The following TEX15 variants were observed in gnomAD, a reference collection of about 807,000 sequenced individuals.
The protein encoded by TEX15 is testis-expressed protein 15.
In TEX15, 171 loss-of-function variants were observed where a neutral mutation model predicts 237.3. The ratio of observed to expected loss-of-function variants is 0.72; its 90% CI spans 0.64 to 0.82. TEX15 has a LOEUF of 0.82. Among genes scored for constraint, TEX15 ranks in the 40% least tolerant of loss-of-function variants. The probability of loss-of-function intolerance (pLI) is 0.00; values close to 1 mark genes in which losing one functional copy is unlikely to be tolerated. For missense variants in TEX15, 3,750 were observed against 3,646.5 expected (o/e 1.03, Z -0.73); for synonymous variants, 1,338 against 1,269.8 (o/e 1.05, Z -1.14).
chr8:30,864,153 G>C (rs1026890038), intron 5 of TEX15, among the ~76,000 whole-genome samples: 2 of 151,968 alleles, frequency 1.3e-5, no homozygotes, highest in African/African-American at 4.8e-5. Context: ...TAGCTGAAAA[G>C]TACAGTAACT....
In TEX15 at chr8:30,858,654, T is replaced by C. The variant is rs529220376; in HGVS notation, c.850+14A>G. On this transcript the variant is annotated intron_variant, in intron 7 of 10. Coordinates refer to ENST00000643185, the MANE Select transcript of TEX15 (RefSeq NM_001350162.2). ...CACAAATATTAATCAAGTACAATCA[T>C]ATGTGTATCTTACCAGCTCTCTTAG... The C allele has an allele frequency of 5.9e-6, 9 of 1,521,958 alleles. No homozygotes were observed. Among genetic ancestry groups the C allele is most frequent in the African/African-American group, 1.4e-5 (1 of 72,420 alleles). 94.3% of individuals were successfully genotyped at this position (1,521,958 alleles called of 1,614,324 possible).
At chr8:30,901,190 T>A in intron 1 of TEX15, among the ~76,000 whole-genome samples, 1 of 152,062 alleles carries the variant, frequency 6.6e-6, no homozygotes, top group East Asian at 1.9e-4. Flanking sequence ...CTTCAATAGC[T>A]TTTTTCTCTA....
Position 30,833,172 on chromosome 8 carries a change from A to G in TEX15, c.*114T>C. ...TATTTTACAAAGGACCATATGATTT[A>G]TATTTCCTACCACATTTACAAACAT... On this transcript the variant is annotated 3_prime_UTR_variant, in exon 11 of 11. Coordinates refer to ENST00000643185, the MANE Select transcript of TEX15 (RefSeq NM_001350162.2). 5.8e-6 allele frequency: 4 copies of G among 694,428 alleles called. No homozygotes were observed. The highest frequency in any genetic ancestry group is 1.9e-5 in the South Asian group (1 of 51,786). 43.0% of individuals were successfully genotyped at this position (694,428 alleles called of 1,614,324 possible).
At chr8:30,912,612 G>T (rs559081722) in intron 1 of TEX15, among the ~76,000 whole-genome samples, 3 of 152,238 alleles carry the variant, frequency 2.0e-5, no homozygotes, top group African/African-American at 7.2e-5. Flanking sequence ...CCGCGCATCT[G>T]AGGAAAGCTA....
chr8:30,847,487 C>T lies in TEX15; in HGVS notation c.2680G>A (p.Glu894Lys), dbSNP rs267601898. The change falls in exon 8 of 11, where the codon GAA (glutamate) becomes AAA (lysine). Residue 894 changes from glutamate to lysine, a missense_variant. By Grantham distance (56) the Glu-to-Lys change is moderately conservative. Transcript: ENST00000643185. ...TTTTCATCTATATTGCTGAAATTTT[C>T]GTTTGTATGAGAATCCTGCTTTTTG... is the stretch of plus-strand genomic sequence containing the variant. ...GDKKQDSHTN[E>K]NFSNIDEKED... The T allele has an allele frequency of 3.7e-6, 6 of 1,612,850 alleles. No homozygotes were observed. In the African/African-American group the frequency reaches 4.0e-5, roughly 11 times the overall value.
At chr8:30,839,059 G>T (rs561015374) in intron 9 of TEX15, among the ~76,000 whole-genome samples, 1 of 151,788 alleles carries the variant, frequency 6.6e-6, no homozygotes, top group Admixed American at 6.6e-5. Context: ...CAGGTGATCC[G>T]CCCGCCTTGG....
At chr8:30,859,336 T>G (rs577743064) in intron 6 of TEX15, among the ~76,000 whole-genome samples, 152 of 152,176 alleles carry the variant, frequency 1.0e-3, no homozygotes, top group African/African-American at 3.6e-3. Context: ...GACTAATACA[T>G]AAGCCTTTTC....
Position 30,843,275 on chromosome 8 carries a change from C to T in TEX15, c.6892G>A (p.Glu2298Lys). Residue 2298 changes from glutamate (E) to lysine (K), a missense_variant, in exon 8 of 11, where the codon GAA becomes AAA. Physicochemically the swap from Glu to Lys is moderately conservative, Grantham distance 56. Coordinates refer to ENST00000643185, the MANE Select transcript of TEX15 (RefSeq NM_001350162.2). ...SKKYSQKKDEERLLRVNKCAF... is the reference protein window; with the variant it reads ...SKKYSQKKDEKRLLRVNKCAF... ...CATTTATTCACTCTGAGTAGCCTTT[C>T]TTCGTCCTTCTTTTGTGAGTATTTT... is the stretch of plus-strand genomic sequence containing the variant. The T allele has an allele frequency of 6.2e-7, 1 of 1,611,906 alleles. No homozygotes were observed. The highest frequency in any genetic ancestry group is 1.1e-5 in the South Asian group (1 of 90,562).
chr8:30,848,002 T>C lies in TEX15; in HGVS notation c.2165A>G (p.Gln722Arg). ...CTCCACAGAGTGCTGAGGATGCTTT[T>C]GTGACAGGCTCTCAAAACTTGGAGT... ...QITPSFESLS[Q>R]KHPQHSVEYE... is the part of the protein sequence containing the mutation. Residue 722 changes from glutamine to arginine, a missense_variant, in exon 8 of 11, where the codon CAA becomes CGA. Coordinates refer to ENST00000643185, the MANE Select transcript of TEX15 (RefSeq NM_001350162.2). 1 of 1,614,054 alleles carries C rather than the reference T, an allele frequency of 6.2e-7. No individual in the cohort carries two copies. Among genetic ancestry groups the C allele is most frequent in the Non-Finnish European group, 8.5e-7 (1 of 1,179,960 alleles).
At chr8:30,880,367 T>C (rs1025450312) in intron 3 of TEX15, among the ~76,000 whole-genome samples, 11 of 152,204 alleles carry the variant, frequency 7.2e-5, no homozygotes, top group Admixed American at 7.2e-4. Context: ...AAAAATTGTT[T>C]ATTTCCATGT....
intron 1 of TEX15, among the ~76,000 whole-genome samples, chr8:30,907,596 TTTAA>T: frequency 6.9e-6 from 1 of 144,804 alleles, no homozygotes; most frequent in East Asian, 2.0e-4. Flanking sequence ...ATACATTATA[TTTAA>T]TTATATAATT....
chr8:30,905,734 CAAAAAAA>C (rs34079195), intron 1 of TEX15, among the ~76,000 whole-genome samples: 1 of 50,992 alleles, frequency 2.0e-5, no homozygotes, highest in African/African-American at 7.9e-5. Context: ...ACAAAAAATA[CAAAAAAA>C]AAAAAAAAAA....
intron 1 of TEX15, among the ~76,000 whole-genome samples, chr8:30,902,155 C>T (rs1275184700): frequency 1.3e-5 from 2 of 151,700 alleles, no homozygotes; most frequent in African/African-American, 2.4e-5. Context: ...GTTTGAGATC[C>T]GCTGGTCTAA....
At position 30,867,327 on chromosome 8, in the gene TEX15, C is replaced by T; in HGVS notation, c.478G>A (p.Asp160Asn). 7.9e-6 allele frequency: 12 copies of T among 1,526,158 alleles called. No homozygotes were observed. The highest frequency in any genetic ancestry group is 1.1e-5 in the Non-Finnish European group (12 of 1,138,182). The allele number at this position is 1,526,158 out of a possible 1,614,324, so 94.5% of individuals were successfully genotyped here. ...CTATGAGAATAATTCAAGGCAATAT[C>T]AACATGTCTAAACATATAAATTCCA... ...LLGIYMFRHV[D>N]IALNYSHSQS... The change falls in exon 5 of 11, where the codon GAT becomes AAT. Residue 160 changes from aspartate (D) to asparagine (N), a missense_variant. Asp to Asn is a conservative substitution (Grantham distance 23, BLOSUM62 1). Transcript: ENST00000643185.
chr8:30,842,366 C>T lies in TEX15; in HGVS notation c.7801G>A (p.Ala2601Thr). The change falls in exon 8 of 11, where the codon GCC becomes ACC. Residue 2601 changes from alanine (A) to threonine (T), a missense_variant. Physicochemically the swap from Ala to Thr is moderately conservative, Grantham distance 58. Coordinates refer to ENST00000643185, the MANE Select transcript of TEX15 (RefSeq NM_001350162.2). ...ATTTTTCCTAAATCTTTCCTAGGGG[C>T]AGACATTACATTCTTCAGCAGTGTA... ...FSTLLKNVMS[A>T]PRKDLGKMAH... 1 of 1,613,762 alleles carries T rather than the reference C, an allele frequency of 6.2e-7. No homozygotes were observed. The highest frequency in any genetic ancestry group is 1.1e-5 in the South Asian group (1 of 91,058).
Position 30,867,268 on chromosome 8 carries a change from A to T in TEX15, c.537T>A (p.Phe179Leu). The change falls in exon 5 of 11, where the codon TTT becomes TTA. Residue 179 changes from phenylalanine to leucine, a missense_variant. Transcript: ENST00000643185. The stretch of plus-strand genomic sequence containing the variant: ...ATATTTGTTTTATGATACCTACCTT[A>T]AAAATTAAAATACTTTCTACAGTAA... Reference protein sequence around the residue: ...QSITVESILIFKVLFGKVKKI... With the variant: ...QSITVESILILKVLFGKVKKI... 1 of 1,448,010 alleles carries T rather than the reference A, an allele frequency of 6.9e-7. No individual in the cohort carries two copies. The highest frequency in any genetic ancestry group is 9.4e-7 in the Non-Finnish European group (1 of 1,068,348). The allele number at this position is 1,448,010 out of a possible 1,614,324, so 89.7% of individuals were successfully genotyped here.
Position 30,844,406 on chromosome 8 carries a change from T to G in TEX15, c.5761A>C (p.Lys1921Gln). ...TTAATTTCCCCCTTCTTCTCTCTTT[T>G]GTTAAGCGGATTAGAAACTGTGTTC... is the stretch of plus-strand genomic sequence containing the variant. Reference protein sequence around the residue: ...LKNTVSNPLNKREKKGEIKVS... With the variant: ...LKNTVSNPLNQREKKGEIKVS... The change falls in exon 8 of 11, where the codon AAA (lysine) becomes CAA (glutamine). Residue 1921 changes from lysine (K) to glutamine (Q), a missense_variant. By Grantham distance (53) the Lys-to-Gln change is moderately conservative. Transcript: ENST00000643185. 6.2e-7 allele frequency: 1 copy of G among 1,611,014 alleles called. No individual in the cohort carries two copies. Among genetic ancestry groups the G allele is most frequent in the South Asian group, 1.1e-5 (1 of 90,372 alleles).
At chr8:30,858,868 G>C in intron 6 of TEX15, 38 bp from the exon 7 acceptor site, 1 of 1,431,082 alleles carries the variant, frequency 7.0e-7, no homozygotes. Context: ...ATTAATTTTG[G>C]CAATCAGAGT....
chr8:30,912,281 C>T (rs1809238402), intron 1 of TEX15, among the ~76,000 whole-genome samples: 1 of 150,978 alleles, frequency 6.6e-6, no homozygotes, highest in African/African-American at 2.4e-5. Flanking sequence ...CCTAGCGCTC[C>T]AGGGTCGCGA....
Sources: gnomAD v4.1 joint callset for allele counts (sites outside exome capture counted in the v4.1 genomes callset) on GRCh38, gnomAD v4.1.1 for gene constraint, MANE v1.5 for transcripts, NCBI Gene and HGNC (gene_info 2026-07-23, HGNC 2026-07-21) for gene names.